The following TEX9 variants were observed in gnomAD, a reference collection of about 807,000 sequenced individuals.
TEX9 encodes testis expressed 9, also known as testis-expressed protein 9.
Under a neutral mutation model 59.6 loss-of-function variants are expected in TEX9, and 74 were observed. The ratio of observed to expected loss-of-function variants is 1.24; its 90% CI spans 1.03 to 1.51. The LOEUF (loss-of-function observed/expected upper bound fraction) is 1.51. Ranked by LOEUF, TEX9 falls within the 40% of genes most tolerant of loss-of-function variation. TEX9 has a pLI of 0.00. For synonymous variants in TEX9, 186 were observed against 152.2 expected (o/e 1.22, Z -1.64); for missense variants, 522 against 447.8 (o/e 1.17, Z -1.49).
the TEX9 span, among the ~76,000 whole-genome samples, chr15:56,452,539 GAC>G: frequency 7.0e-6 from 1 of 143,198 alleles, no homozygotes; most frequent in East Asian, 2.0e-4. Context: ...TTTTTTTTGA[GAC>G]AGAGTCTCTC....
Position 56,428,365 on chromosome 15 carries a change from A to AGAT in TEX9, c.1099_1101dup, listed in dbSNP as rs774713074. 3.2e-5 allele frequency: 52 copies of AGAT among 1,608,482 alleles called. No homozygotes were observed. The highest frequency in any genetic ancestry group is 5.0e-5 in the Admixed American group (3 of 59,696). ...AGACAATATTGATTTTTTTTTTAAC[A>AGAT]GATGCATATTGAAGCTGCCAAGATG... On this transcript the variant is annotated splice_acceptor_variant, in intron 11 of 12. Coordinates refer to ENST00000352903, the Ensembl canonical transcript of TEX9. LOFTEE classifies it high-confidence loss of function.
chr15:56,409,672 T>A (rs2049253063), intron 9 of TEX9: 1 of 134,488 alleles, frequency 7.4e-6, no homozygotes, highest in Admixed American at 7.7e-5. Context: ...AGCTAATTTT[T>A]AAATTTTTTT....
chr15:56,352,176 T>C (rs2046595216), intron 1 of TEX9, among the ~76,000 whole-genome samples: 1 of 152,210 alleles, frequency 6.6e-6, no homozygotes, highest in Admixed American at 6.5e-5. Context: ...TTAGAAGGAA[T>C]CCTAGACAGG....
intron 1 of TEX9, among the ~76,000 whole-genome samples, chr15:56,270,994 T>C (rs948143213): frequency 2.6e-5 from 4 of 152,236 alleles, no homozygotes; most frequent in Non-Finnish European, 4.4e-5. Flanking sequence ...GAGTTTCTGC[T>C]GAGAGATCCG....
intron 1 of TEX9, among the ~76,000 whole-genome samples, chr15:56,340,674 A>T (rs1291927926): frequency 1.3e-5 from 2 of 152,032 alleles, no homozygotes; most frequent in Admixed American, 1.3e-4. Flanking sequence ...TATACTTCCT[A>T]GTTCTTGCTC....
chr15:56,409,977 T>C (rs2049271837), intron 9 of TEX9: 1 of 152,240 alleles, frequency 6.6e-6, no homozygotes, highest in South Asian at 2.1e-4. Context: ...TCATCTTCTG[T>C]CTCTTCCTCT....
chr15:56,435,645 G>C (rs774036457), intron 12 of TEX9, among the ~76,000 whole-genome samples: 1 of 151,904 alleles, frequency 6.6e-6, no homozygotes, highest in Non-Finnish European at 1.5e-5. Context: ...AATCTGAATA[G>C]TCCTATCACT....
At chr15:56,388,271 C>T (rs1418281856) in intron 4 of TEX9, among the ~76,000 whole-genome samples, 1 of 151,964 alleles carries the variant, frequency 6.6e-6, no homozygotes. Context: ...AGTGTATCTT[C>T]TCAAAGGTGA....
intron 1 of TEX9, among the ~76,000 whole-genome samples, chr15:56,272,927 TTTA>T (rs1424442371): frequency 1.7e-5 from 2 of 119,376 alleles, no homozygotes; most frequent in East Asian, 5.3e-4. Context: ...TATTTATTTA[TTTA>T]TTTATTTATT....
At chr15:56,420,775 T>G (rs1427333662) in intron 10 of TEX9, among the ~76,000 whole-genome samples, 1 of 152,000 alleles carries the variant, frequency 6.6e-6, no homozygotes, top group Non-Finnish European at 1.5e-5. Flanking sequence ...CAGAATACTT[T>G]CTAATTTTCT....
intron 1 of TEX9, among the ~76,000 whole-genome samples, chr15:56,345,068 T>C (rs968408155): frequency 2.8e-4 from 25 of 89,840 alleles, no homozygotes; most frequent in African/African-American, 4.2e-4. Flanking sequence ...CACACACACA[T>C]ATATATATGT....
chr15:56,443,483 G>A (rs747360062), intron 12 of TEX9: 11 of 1,598,428 alleles, frequency 6.9e-6, no homozygotes, highest in East Asian at 2.2e-5. Context: ...AATTCTTGTC[G>A]CACTTGTTCC....
chr15:56,259,596 C>T (rs968939850), intron 1 of TEX9, among the ~76,000 whole-genome samples: 4 of 151,984 alleles, frequency 2.6e-5, no homozygotes, highest in East Asian at 1.9e-4. Flanking sequence ...TTTTGGTATA[C>T]GTATCTATTA....
At chr15:56,378,275 A>G (rs2047554293) in intron 3 of TEX9, among the ~76,000 whole-genome samples, 1 of 152,126 alleles carries the variant, frequency 6.6e-6, no homozygotes, top group Admixed American at 6.5e-5. Context: ...AATTTTTGGA[A>G]TAGTTTGAGT....
intron 1 of TEX9, among the ~76,000 whole-genome samples, chr15:56,338,384 A>G (rs564535793): frequency 2.6e-5 from 4 of 152,292 alleles, no homozygotes; most frequent in African/African-American, 9.6e-5. Flanking sequence ...AGTCTGCTCC[A>G]CCTGTCTATC....
chr15:56,427,372 T>C (rs1261089139), intron 10 of TEX9, among the ~76,000 whole-genome samples: 2 of 152,178 alleles, frequency 1.3e-5, no homozygotes, highest in Non-Finnish European at 2.9e-5. Context: ...TTGCCATTAC[T>C]GGAATTAGAA....
intron 1 of TEX9, among the ~76,000 whole-genome samples, chr15:56,246,431 G>T (rs1003026841): frequency 6.6e-6 from 1 of 152,162 alleles, no homozygotes; most frequent in Non-Finnish European, 1.5e-5. Flanking sequence ...TGGGTGTTTT[G>T]TTCCAGTCTT....
chr15:56,306,839 G>A (rs2045496093), intron 1 of TEX9, among the ~76,000 whole-genome samples: 1 of 152,140 alleles, frequency 6.6e-6, no homozygotes, highest in Admixed American at 6.5e-5. Flanking sequence ...TTGCATGCTT[G>A]TATCAAAATA....
At chr15:56,294,756 A>G (rs953383620) in intron 1 of TEX9, among the ~76,000 whole-genome samples, 2 of 152,226 alleles carry the variant, frequency 1.3e-5, no homozygotes, top group South Asian at 2.1e-4. Context: ...TAACCCAAAC[A>G]AAGGAAATAT....
Sources: gnomAD v4.1 joint callset for allele counts (sites outside exome capture counted in the v4.1 genomes callset) on GRCh38, gnomAD v4.1.1 for gene constraint, MANE v1.5 for transcripts, NCBI Gene and HGNC (gene_info 2026-07-23, HGNC 2026-07-21) for gene names.